Variants in PPP2R3B observed in about 807,000 individuals in gnomAD.
PPP2R3B encodes the protein serine/threonine-protein phosphatase 2A regulatory subunit B'' subunit beta.
A neutral mutation model predicts 72.9 loss-of-function variants in PPP2R3B; 68 were observed. That is an observed-to-expected ratio of 0.93 (90% CI 0.77 to 1.14). The LOEUF (loss-of-function observed/expected upper bound fraction) is 1.14. Among genes scored for constraint, PPP2R3B ranks in the 50% most tolerant of loss-of-function variants. The probability of loss-of-function intolerance (pLI) is 0.00; values close to 1 mark genes in which losing one functional copy is unlikely to be tolerated. For missense variants in PPP2R3B, 1,018 were observed against 842.0 expected (o/e 1.21, Z -2.59); for synonymous variants, 466 against 375.8 (o/e 1.24, Z -2.78).
chrX:362,376 C>T (rs753224149), intron 1 of PPP2R3B: 1 of 152,820 alleles, frequency 6.5e-6, no homozygotes, highest in East Asian at 1.9e-4. Flanking sequence ...CGTCCTCCTC[C>T]ATCAACTGCC....
At chrX:346,099 GAGGGA>G (rs2071203361) in intron 6 of PPP2R3B, 70 bp downstream of exon 6, 10 of 720,376 alleles carry the variant, frequency 1.4e-5, no homozygotes, top group Admixed American at 2.8e-5. Flanking sequence ...GAGGGGGGAG[GAGGGA>G]AGGGAAGGGA....
intron 10 of PPP2R3B, 30 bp downstream of exon 10, chrX:340,735 A>G (rs375435014): frequency 1.2e-5 from 17 of 1,361,972 alleles, no homozygotes; most frequent in Non-Finnish European, 1.3e-5. Context: ...CCGTCCCCTC[A>G]CCCTGGGCCA....
chrX:358,793 G>T (rs758913743), intron 2 of PPP2R3B, among the ~76,000 whole-genome samples: 1 of 151,652 alleles, frequency 6.6e-6, no homozygotes, highest in East Asian at 2.0e-4. Flanking sequence ...ACCGCGGAGG[G>T]GGGGTGGCCG....
chrX:347,195 G>C, intron 4 of PPP2R3B, 39 bp downstream of exon 4: 1 of 1,506,400 alleles, frequency 6.6e-7, no homozygotes, highest in South Asian at 1.1e-5. Flanking sequence ...GGGCCCTCCC[G>C]TGAAGGATAA....
rs1191712567 is a variant in PPP2R3B, at chrX:334,248, TAA to T, written c.*117_*118del. On this transcript the variant is annotated 3_prime_UTR_variant, in exon 13 of 13. Transcript: ENST00000390665. ...CAATCAACACGCTTCTGTGAATAAA[TAA>T]AAGTTTATCATTCCGTACAAACGCA... 3.8e-5 allele frequency: 45 copies of T among 1,192,834 alleles called. No individual in the cohort carries two copies. Among genetic ancestry groups the T allele is most frequent in the African/African-American group, 2.1e-4 (13 of 61,178 alleles). 73.9% of individuals were successfully genotyped at this position (1,192,834 alleles called of 1,614,324 possible). A position where few individuals can be genotyped will look rare whatever the true frequency, so the allele number is the denominator to read the frequency against.
At chrX:379,183 A>G (rs1404030968) in intron 1 of PPP2R3B, among the ~76,000 whole-genome samples, 1 of 141,446 alleles carries the variant, frequency 7.1e-6, no homozygotes, top group East Asian at 2.1e-4. Context: ...GTATGGACCT[A>G]TGTATGTGTG....
chrX:361,137 C>G (rs185531450), intron 2 of PPP2R3B, among the ~76,000 whole-genome samples: 1 of 152,316 alleles, frequency 6.6e-6, no homozygotes, highest in African/African-American at 2.4e-5. Context: ...CTCTTCACAG[C>G]ATCAGGATGA....
Position 338,772 on chromosome X carries a change from A to T in PPP2R3B, c.1470+6T>A. On this transcript the variant is annotated splice_donor_region_variant and intron_variant, in intron 11 of 12. Transcript: ENST00000390665. ...GCGGCCCGGCCCGCGTGCCCGCCGCACTCACCCTGAGCAGGGAGATCTGCT... is the reference window on the plus strand; with the variant it reads ...GCGGCCCGGCCCGCGTGCCCGCCGCTCTCACCCTGAGCAGGGAGATCTGCT... 4.3e-6 allele frequency: 7 copies of T among 1,612,164 alleles called. No individual in the cohort carries two copies. The highest frequency in any genetic ancestry group is 5.9e-6 in the Non-Finnish European group (7 of 1,179,554).
At chrX:370,874 T>G (rs2071845779) in intron 1 of PPP2R3B, among the ~76,000 whole-genome samples, 1 of 152,134 alleles carries the variant, frequency 6.6e-6, no homozygotes, top group African/African-American at 2.4e-5. Context: ...GGCTGCCGCG[T>G]AGGGGACGGC....
chrX:339,068 T>C (rs1457756200), intron 10 of PPP2R3B, among the ~76,000 whole-genome samples, 172 bp from the exon 11 acceptor site: 1 of 151,920 alleles, frequency 6.6e-6, no homozygotes, highest in Non-Finnish European at 1.5e-5. Flanking sequence ...TGGTTCTGGG[T>C]GGGGACTGAG....
At position 334,405 on chromosome X, in the gene PPP2R3B, C is replaced by G. The variant is rs768289376; in HGVS notation, c.1690G>C (p.Glu564Gln). ...AGGTCCTCGTCCCCGCATGCGTACT[C>G]GTACAGGTCCACGGCGCCCAGCGGT... ...PSPLGAVDLYEYACGDEDLEP... is the reference protein window; with the variant it reads ...PSPLGAVDLYQYACGDEDLEP... The change falls in exon 13 of 13, where the codon GAG becomes CAG. Residue 564 changes from glutamate (E) to glutamine (Q), a missense_variant. Transcript: ENST00000390665. The G allele has an allele frequency of 2.5e-6, 4 of 1,585,024 alleles. No homozygotes were observed. The highest frequency in any genetic ancestry group is 2.6e-6 in the Non-Finnish European group (3 of 1,172,272).
intron 1 of PPP2R3B, among the ~76,000 whole-genome samples, chrX:378,087 G>A (rs955257291): frequency 3.3e-5 from 5 of 149,760 alleles, no homozygotes; most frequent in African/African-American, 7.7e-5. Context: ...GGACGGGGCC[G>A]TCATAGCATT....
chrX:334,855 A>C (rs1203101812), intron 12 of PPP2R3B: 3 of 281,036 alleles, frequency 1.1e-5, no homozygotes, highest in African/African-American at 6.6e-5. Flanking sequence ...TGGTGTCCAC[A>C]CAGGACTGGA....
At chrX:352,885 G>A (rs1423007658) in intron 2 of PPP2R3B, among the ~76,000 whole-genome samples, 3 of 150,736 alleles carry the variant, frequency 2.0e-5, no homozygotes, top group Non-Finnish European at 4.4e-5. Context: ...GTGACATCGC[G>A]GAGCCGGAGG....
intron 2 of PPP2R3B, among the ~76,000 whole-genome samples, chrX:350,213 C>T (rs2071299971): frequency 1.3e-5 from 2 of 152,210 alleles, no homozygotes; most frequent in Non-Finnish European, 2.9e-5. Context: ...GGAATATCCA[C>T]AGGCAAAGAC....
chrX:383,832 C>T (rs746085777), intron 1 of PPP2R3B, among the ~76,000 whole-genome samples: 4 of 77,350 alleles, frequency 5.2e-5, no homozygotes, highest in South Asian at 4.4e-4. Flanking sequence ...AGCGAGACTC[C>T]GTCTCAAAAA....
intron 1 of PPP2R3B, among the ~76,000 whole-genome samples, chrX:364,635 T>G (rs2071656442): frequency 1.4e-5 from 2 of 143,092 alleles, no homozygotes; most frequent in South Asian, 4.5e-4. Context: ...GGAGAATCGC[T>G]TCAACACAGG....
At chrX:345,756 G>A (rs2071190562) in intron 6 of PPP2R3B, 84 bp from the exon 7 acceptor site, 2 of 1,540,854 alleles carry the variant, frequency 1.3e-6, no homozygotes, top group South Asian at 2.4e-5. Context: ...GGCAGGGAAG[G>A]CTGGGAGGGT....
At chrX:358,794 G>T (rs1272115630) in intron 2 of PPP2R3B, among the ~76,000 whole-genome samples, 1 of 151,350 alleles carries the variant, frequency 6.6e-6, no homozygotes, top group African/African-American at 2.4e-5. Context: ...CCGCGGAGGG[G>T]GGGTGGCCGC....
Sources: allele counts gnomAD v4.1 joint callset (sites outside exome capture counted in the v4.1 genomes callset), GRCh38; gene constraint gnomAD v4.1.1; transcripts MANE v1.5; gene names NCBI Gene and HGNC (gene_info 2026-07-23, HGNC 2026-07-21).